CCDC171: variants seen among roughly 807,000 people sequenced by gnomAD.
CCDC171 encodes coiled-coil domain-containing protein 171.
Under a neutral mutation model 168.2 loss-of-function variants are expected in CCDC171, and 177 were observed. The ratio of observed to expected loss-of-function variants is 1.05; its 90% CI spans 0.93 to 1.19. The LOEUF (loss-of-function observed/expected upper bound fraction) is 1.19. CCDC171 is among the 50% of genes most tolerant of loss of function. CCDC171 has a pLI of 0.00. For missense variants in CCDC171, 1,991 were observed against 1,539.0 expected, an observed-to-expected ratio of 1.29 and a Z score of -4.91; for synonymous variants, 687 against 540.8, an observed-to-expected ratio of 1.27 and a Z score of -3.75.
intron 1 of CCDC171, among the ~76,000 whole-genome samples, chr9:16,052,422 A>G (rs948095598): frequency 6.6e-6 from 1 of 152,160 alleles, no homozygotes; most frequent in Non-Finnish European, 1.5e-5. Context: ...TCTCAGGCCC[A>G]AGATACCCCT....
intron 24 of CCDC171, among the ~76,000 whole-genome samples, chr9:15,880,077 CACA>C (rs1818415991): frequency 6.6e-6 from 1 of 152,150 alleles, no homozygotes; most frequent in African/African-American, 2.4e-5. Context: ...CCTTATTTTA[CACA>C]GAGTTGCTAA....
chr9:15,591,146 G>A (rs1256658509), intron 4 of CCDC171, among the ~76,000 whole-genome samples: 1 of 152,076 alleles, frequency 6.6e-6, no homozygotes, highest in African/African-American at 2.4e-5. Context: ...TGAAGGGGAA[G>A]AAGAGATCGA....
In CCDC171 at chr9:15,706,834, G is replaced by C. The variant is rs567285278; in HGVS notation, c.1318+11497G>C. Among the ~76,000 whole-genome samples, 30 of 152,244 alleles carry C rather than the reference G, an allele frequency of 2.0e-4. No homozygotes were observed. In the South Asian group the frequency reaches 6.2e-3, roughly 32 times the overall value. On this transcript the variant is annotated intron_variant, in intron 11 of 25. Coordinates refer to ENST00000380701, the MANE Select transcript of CCDC171 (RefSeq NM_173550.4). Reference sequence around the variant, plus strand: ...GGTGTTCTTTTCCTTTTTACTTAGAGAGGCTGAAGGATCCCAGGAAATAAA... The same window carrying C: ...GGTGTTCTTTTCCTTTTTACTTAGACAGGCTGAAGGATCCCAGGAAATAAA...
chr9:16,050,803 A>G (rs182443539), intron 1 of CCDC171, among the ~76,000 whole-genome samples: 8 of 152,354 alleles, frequency 5.3e-5, no homozygotes, highest in Admixed American at 2.0e-4. Context: ...GCTACTGCAT[A>G]TGTGGTAGTA....
chr9:16,006,158 A>C (rs932118499), intron 3 of CCDC171, among the ~76,000 whole-genome samples: 1 of 152,106 alleles, frequency 6.6e-6, no homozygotes, highest in Non-Finnish European at 1.5e-5. Context: ...CTCTCTGCCC[A>C]ACCAAGAAGG....
intron 25 of CCDC171, among the ~76,000 whole-genome samples, chr9:15,950,120 C>G (rs1372772168): frequency 1.3e-5 from 2 of 152,020 alleles, no homozygotes; most frequent in Non-Finnish European, 2.9e-5. Context: ...AAATATGGGA[C>G]TATGTGAAAA....
At chr9:15,707,095 G>C (rs1344284878) in intron 11 of CCDC171, among the ~76,000 whole-genome samples, 2 of 152,168 alleles carry the variant, frequency 1.3e-5, no homozygotes, top group African/African-American at 4.8e-5. Flanking sequence ...GGTGGTTGAG[G>C]AGCTGAGGAT....
intron 21 of CCDC171, among the ~76,000 whole-genome samples, chr9:15,799,792 G>C (rs945505750): frequency 6.6e-6 from 1 of 151,670 alleles, no homozygotes; most frequent in Non-Finnish European, 1.5e-5. Context: ...CTCTGCCTCT[G>C]GTAACCATCC....
At chr9:16,104,855 G>A in the CCDC171 span, among the ~76,000 whole-genome samples, 1 of 152,078 alleles carries the variant, frequency 6.6e-6, no homozygotes. Context: ...ACGGGGCTCA[G>A]CAGAAGAGGC....
intron 7 of CCDC171, among the ~76,000 whole-genome samples, chr9:15,626,185 A>T (rs1402248096): frequency 1.3e-5 from 2 of 152,194 alleles, no homozygotes. Flanking sequence ...GACTTTGCTG[A>T]AGTTGCTTAT....
intron 25 of CCDC171, among the ~76,000 whole-genome samples, chr9:15,928,195 A>T (rs1826097465): frequency 6.6e-6 from 1 of 151,770 alleles, no homozygotes; most frequent in South Asian, 2.1e-4. Flanking sequence ...GAATACAACC[A>T]TTGTACAAGT....
At chr9:16,017,159 TAAG>T (rs1277383243) in intron 3 of CCDC171, among the ~76,000 whole-genome samples, 1 of 152,202 alleles carries the variant, frequency 6.6e-6, no homozygotes, top group African/African-American at 2.4e-5. Flanking sequence ...TTTTAAAAAT[TAAG>T]GAGGAAACCA....
intron 24 of CCDC171, among the ~76,000 whole-genome samples, chr9:15,897,975 A>G (rs1821126522): frequency 6.6e-6 from 1 of 152,202 alleles, no homozygotes; most frequent in African/African-American, 2.4e-5. Context: ...TCACTGAACC[A>G]CAGTTTCTTA....
At chr9:15,895,603 C>G (rs1349114910) in intron 24 of CCDC171, among the ~76,000 whole-genome samples, 1 of 152,068 alleles carries the variant, frequency 6.6e-6, no homozygotes, top group South Asian at 2.1e-4. Flanking sequence ...CATTGTAAAA[C>G]TCCTAATGAT....
chr9:16,034,969 A>G (rs1393516015), intron 6 of CCDC171, among the ~76,000 whole-genome samples: 1 of 152,206 alleles, frequency 6.6e-6, no homozygotes, highest in Non-Finnish European at 1.5e-5. Flanking sequence ...ATATGCAAAC[A>G]CAGTTCCAAA....
intron 25 of CCDC171, among the ~76,000 whole-genome samples, chr9:15,951,347 A>T (rs1027873359): frequency 6.6e-6 from 1 of 152,046 alleles, no homozygotes; most frequent in Non-Finnish European, 1.5e-5. Flanking sequence ...CACCACACCT[A>T]TTCCAAAATT....
chr9:15,934,988 T>A (rs898091482), intron 25 of CCDC171, among the ~76,000 whole-genome samples: 1 of 152,056 alleles, frequency 6.6e-6, no homozygotes, highest in Non-Finnish European at 1.5e-5. Flanking sequence ...ACATTAGTGA[T>A]TGACAGAGGC....
At chr9:15,575,953 G>A (rs867206099) in intron 3 of CCDC171, among the ~76,000 whole-genome samples, 32 of 152,050 alleles carry the variant, frequency 2.1e-4, no homozygotes, top group Admixed American at 1.0e-3. Flanking sequence ...TTAGCTGGGC[G>A]TGGTGGTGCG....
At chr9:15,790,746 C>G (rs200257235) in intron 21 of CCDC171, among the ~76,000 whole-genome samples, 1 of 152,024 alleles carries the variant, frequency 6.6e-6, no homozygotes, top group African/African-American at 2.4e-5. Context: ...CATTTAAGTC[C>G]TTAATCCATC....
Sources: allele counts gnomAD v4.1 joint callset (sites outside exome capture counted in the v4.1 genomes callset), GRCh38; gene constraint gnomAD v4.1.1; transcripts MANE v1.5; gene names NCBI Gene and HGNC (gene_info 2026-07-23, HGNC 2026-07-21).